RPRD2: variants seen among roughly 807,000 people sequenced by gnomAD.
The protein encoded by RPRD2 is regulation of nuclear pre-mRNA domain containing 2.
Under a neutral mutation model 104.4 loss-of-function variants are expected in RPRD2, and 12 were observed. That is an observed-to-expected ratio of 0.11 (90% confidence interval 0.07 to 0.19). The LOEUF (loss-of-function observed/expected upper bound fraction) is 0.19. Among genes scored for constraint, RPRD2 ranks in the 10% least tolerant of loss-of-function variants. The probability of loss-of-function intolerance (pLI) is 1.00; values close to 1 mark genes in which losing one functional copy is unlikely to be tolerated. For synonymous variants in RPRD2, 714 were observed against 684.9 expected (o/e 1.04, Z -0.66); for missense variants, 1,543 against 1,790.1 (o/e 0.86, Z 2.49).
At chr1:150,444,172 G>A in intron 5 of RPRD2, 79 bp from the exon 6 acceptor site, 1 of 1,420,836 alleles carries the variant, frequency 7.0e-7, no homozygotes, top group Non-Finnish European at 9.6e-7. Flanking sequence ...GTTTTGTTTT[G>A]TTTTACAAAA....
At chr1:150,395,774 G>T (rs1553884098) in intron 1 of RPRD2, among the ~76,000 whole-genome samples, 1 of 152,170 alleles carries the variant, frequency 6.6e-6, no homozygotes, top group African/African-American at 2.4e-5. Flanking sequence ...CTCCCAAAGT[G>T]CTGGGATTAC....
intron 2 of RPRD2, among the ~76,000 whole-genome samples, chr1:150,426,254 A>T (rs1665119724): frequency 6.6e-6 from 1 of 152,202 alleles, no homozygotes; most frequent in African/African-American, 2.4e-5. Context: ...ATAAGTGCTT[A>T]TGAATTTTTC....
In RPRD2 at chr1:150,365,933, G is replaced by A. The variant is rs587759574; in HGVS notation, c.205+1014G>A. On this transcript the variant is annotated intron_variant, in intron 1 of 10. Coordinates refer to ENST00000369068, the MANE Select transcript of RPRD2 (RefSeq NM_015203.5). The stretch of plus-strand genomic sequence containing the variant: ...ACCTGAAATACCTTTTTACACAATT[G>A]AGTTGATCTCATGGGTAATGTGCAC... 1.6e-4 allele frequency among the ~76,000 whole-genome samples: 25 copies of A among 152,234 alleles called. No homozygotes were observed. The South Asian group carries it at 5.0e-3, about 30-fold the overall frequency.
intron 1 of RPRD2, among the ~76,000 whole-genome samples, chr1:150,413,316 T>C (rs1164352316): frequency 1.3e-5 from 2 of 152,048 alleles, no homozygotes; most frequent in African/African-American, 2.4e-5. Context: ...AATAAAATAA[T>C]AAGGCCAGGC....
intron 10 of RPRD2, among the ~76,000 whole-genome samples, chr1:150,469,917 T>C (rs769757959): frequency 1.3e-5 from 2 of 152,180 alleles, no homozygotes; most frequent in Non-Finnish European, 2.9e-5. Flanking sequence ...ATGTTTGTTA[T>C]AGCTACATTT....
At chr1:150,441,694 T>G (rs1666415096) in intron 3 of RPRD2, 187 bp from the exon 4 acceptor site, 1 of 458,822 alleles carries the variant, frequency 2.2e-6, no homozygotes, top group Non-Finnish European at 4.0e-6. Flanking sequence ...ATAAAAATCG[T>G]GTTTATTTGA....
At chr1:150,382,559 A>T (rs979728774) in intron 1 of RPRD2, among the ~76,000 whole-genome samples, 7 of 152,044 alleles carry the variant, frequency 4.6e-5, no homozygotes, top group Non-Finnish European at 1.0e-4. Flanking sequence ...GGGTTTCATC[A>T]TGTTGGCCAT....
At chr1:150,455,016 C>G (rs1323660858) in intron 7 of RPRD2, among the ~76,000 whole-genome samples, 1 of 152,176 alleles carries the variant, frequency 6.6e-6, no homozygotes, top group Non-Finnish European at 1.5e-5. Flanking sequence ...ATATTAACAT[C>G]AACAGTGGTA....
Position 150,364,302 on chromosome 1 carries a change from C to A in RPRD2, c.-413C>A, listed in dbSNP as rs1659655585. Among the ~76,000 whole-genome samples, 1 of 152,154 alleles carries A rather than the reference C, an allele frequency of 6.6e-6. No individual in the cohort carries two copies. The highest frequency in any genetic ancestry group is 2.4e-5 in the African/African-American group (1 of 41,432). ...TACATTTAAGATATTAACGCCCGAC[C>A]TGGCTCACAGGAGTGTGGGAACAGG... On this transcript the variant is annotated 5_prime_UTR_variant, in exon 1 of 11. It adds an upstream start codon to the 5' untranslated region. Transcript: ENST00000369068.
chr1:150,407,519 G>A (rs1427080788), intron 1 of RPRD2, among the ~76,000 whole-genome samples: 1 of 152,158 alleles, frequency 6.6e-6, no homozygotes, highest in African/African-American at 2.4e-5. Flanking sequence ...GTGACCACCT[G>A]ACCTGATGTG....
Position 150,417,627 on chromosome 1 carries a change from C to A in RPRD2, c.237C>A (p.Tyr79Ter). Residue 79 changes from tyrosine (Y) to a stop codon, truncating the protein, a stop_gained, in exon 2 of 11, where the codon TAC becomes TAA. Coordinates refer to ENST00000369068, the MANE Select transcript of RPRD2 (RefSeq NM_015203.5). LOFTEE classifies it high-confidence loss of function. ...SAYPHRLNLF[Y>*]LANDVIQNCK... ...ATCCCCACCGTTTGAATCTCTTTTA[C>A]CTTGCCAATGATGTCATACAGAACT... The A allele has an allele frequency of 6.3e-7, 1 of 1,596,112 alleles. No homozygotes were observed. The highest frequency in any genetic ancestry group is 8.6e-7 in the Non-Finnish European group (1 of 1,168,456).
chr1:150,367,009 A>G (rs1465708537), intron 1 of RPRD2, among the ~76,000 whole-genome samples: 4 of 152,144 alleles, frequency 2.6e-5, no homozygotes, highest in Non-Finnish European at 4.4e-5. Context: ...TGTTGTTGCT[A>G]TTGTGCCTGA....
rs1668791941 is a variant in RPRD2, at chr1:150,474,510, G to A, written c.*1176G>A. The A allele has an allele frequency of 6.6e-6, 1 of 152,004 alleles. No homozygotes were observed. Among genetic ancestry groups the A allele is most frequent in the African/African-American group, 2.4e-5 (1 of 41,354 alleles). The allele number at this position is 152,004 out of a possible 1,614,324, so 9.4% of individuals were successfully genotyped here. A position where few individuals can be genotyped will look rare whatever the true frequency, so the allele number is the denominator to read the frequency against. On this transcript the variant is annotated 3_prime_UTR_variant, in exon 11 of 11. Transcript: ENST00000369068. The stretch of plus-strand genomic sequence containing the variant: ...TTACCCCCACCTCTCGCTCCCAATA[G>A]GAAATAAAGACCATTTCTGCCCTTA...
chr1:150,463,683 T>C (rs1668083830), intron 9 of RPRD2, among the ~76,000 whole-genome samples: 1 of 152,240 alleles, frequency 6.6e-6, no homozygotes, highest in African/African-American at 2.4e-5. Flanking sequence ...GGAAATTTCT[T>C]AAATAATCTC....
chr1:150,444,191 G>A, intron 5 of RPRD2, 60 bp from the exon 6 acceptor site: 1 of 1,510,732 alleles, frequency 6.6e-7, no homozygotes, highest in East Asian at 2.3e-5. Context: ...AATGAGGAGA[G>A]AGAGAATGAG....
chr1:150,439,627 C>CTTTTTTTTTTTTTTTTTTTTTTT (rs66814229), intron 2 of RPRD2, among the ~76,000 whole-genome samples: 2 of 142,292 alleles, frequency 1.4e-5, no homozygotes, highest in Non-Finnish European at 3.0e-5. Context: ...TTTGACATAG[C>CTTTTTTTTTTTTTTTTTTTTTTT]TTTTTTTTTT....
At chr1:150,436,749 A>C (rs991201300) in intron 2 of RPRD2, among the ~76,000 whole-genome samples, 4 of 152,118 alleles carry the variant, frequency 2.6e-5, no homozygotes, top group Non-Finnish European at 5.9e-5. Flanking sequence ...TCTACTAAAA[A>C]TAAAAATTAG....
intron 9 of RPRD2, 89 bp from the exon 10 acceptor site, chr1:150,464,438 A>G (rs1281566317): frequency 1.0e-6 from 1 of 972,400 alleles, no homozygotes; most frequent in African/African-American, 1.6e-5. Flanking sequence ...TTCCTGTTAA[A>G]TATATCAAAC....
intron 1 of RPRD2, among the ~76,000 whole-genome samples, chr1:150,416,303 G>A (rs1442879912): frequency 6.6e-6 from 1 of 152,110 alleles, no homozygotes; most frequent in African/African-American, 2.4e-5. Flanking sequence ...AGAGAATGTA[G>A]AGTTAGAGAA....
Sources: allele counts gnomAD v4.1 joint callset (sites outside exome capture counted in the v4.1 genomes callset), GRCh38; gene constraint gnomAD v4.1.1; transcripts MANE v1.5; gene names NCBI Gene and HGNC (gene_info 2026-07-23, HGNC 2026-07-21).